FERMT2: variants seen among roughly 807,000 people sequenced by gnomAD.
FERMT2 encodes FERM domain containing kindlin 2, also known as fermitin family homolog 2.
Under a neutral mutation model 82.7 loss-of-function variants are expected in FERMT2, and 15 were observed. That is an observed-to-expected ratio of 0.18 (90% CI 0.12 to 0.28). The LOEUF is 0.28. Among genes scored for constraint, FERMT2 ranks in the 10% least tolerant of loss-of-function variants. The pLI is 1.00. For synonymous variants in FERMT2, 274 were observed against 271.5 expected (o/e 1.01, Z -0.09); for missense variants, 645 against 809.4 (o/e 0.80, Z 2.46).
intron 4 of FERMT2, among the ~76,000 whole-genome samples, chr14:52,892,138 A>C (rs1012921886): frequency 2.0e-5 from 3 of 150,194 alleles, no homozygotes; most frequent in African/African-American, 7.4e-5. Flanking sequence ...AAACCAGAAT[A>C]TGCAAAGCAG....
intron 10 of FERMT2, among the ~76,000 whole-genome samples, chr14:52,865,942 A>G (rs1364389997): frequency 6.6e-6 from 1 of 152,198 alleles, no homozygotes; most frequent in Non-Finnish European, 1.5e-5. Context: ...TATTTACTAC[A>G]TATGAATTTC....
rs111494285 is a variant in FERMT2, at chr14:52,867,471, AT to A, written c.1274-2619del. ...CTTCACTGCCATAGTCTTCCTATGC[AT>A]TTTTTTTTTGTTTCCTTTGCAAGGT... On this transcript the variant is annotated intron_variant, in intron 10 of 14. Coordinates refer to ENST00000341590, the MANE Select transcript of FERMT2 (RefSeq NM_006832.3). 4.9e-3 allele frequency among the ~76,000 whole-genome samples: 732 copies of A among 148,078 alleles called. 6 individuals carry two copies. The highest frequency in any genetic ancestry group is 0.016 in the African/African-American group (667 of 40,514).
chr14:52,864,428 G>A lies in FERMT2; in HGVS notation c.1575C>T (p.Arg525=). ...DITPECLVSP[R]YLKKYKNKQI... ...GCTTGTTCTTATACTTTTTTAGATA[G>A]CGGGGAGACACCAAACATTCAGGAG... Residue 525 remains arginine, a synonymous_variant, in exon 12 of 15, where the codon CGC becomes CGT. Coordinates refer to ENST00000341590, the MANE Select transcript of FERMT2 (RefSeq NM_006832.3). The A allele has an allele frequency of 1.2e-6, 2 of 1,613,400 alleles. No individual in the cohort carries two copies. The highest frequency in any genetic ancestry group is 1.7e-6 in the Non-Finnish European group (2 of 1,179,328).
At chr14:52,896,233 A>G (rs1887246174) in intron 3 of FERMT2, among the ~76,000 whole-genome samples, 1 of 152,222 alleles carries the variant, frequency 6.6e-6, no homozygotes, top group African/African-American at 2.4e-5. Flanking sequence ...AATGTCTGGC[A>G]GCACTATACT....
intron 10 of FERMT2, among the ~76,000 whole-genome samples, chr14:52,867,312 A>G (rs1189938324): frequency 6.6e-6 from 1 of 152,074 alleles, no homozygotes; most frequent in Non-Finnish European, 1.5e-5. Context: ...AAGTCTACTT[A>G]ACTTGTTCTT....
chr14:52,919,775 G>T (rs1488307280), intron 2 of FERMT2, among the ~76,000 whole-genome samples: 2 of 152,216 alleles, frequency 1.3e-5, no homozygotes, highest in African/African-American at 4.8e-5. Context: ...TTATGAAGTT[G>T]CAGAAATGTG....
At chr14:52,886,723 T>C (rs182658919) in intron 4 of FERMT2, among the ~76,000 whole-genome samples, 2 of 152,188 alleles carry the variant, frequency 1.3e-5, no homozygotes, top group African/African-American at 2.4e-5. Context: ...GCAAATTTTA[T>C]ACCCACTTGT....
At chr14:52,892,314 G>C (rs1256925475) in intron 4 of FERMT2, among the ~76,000 whole-genome samples, 14 of 151,560 alleles carry the variant, frequency 9.2e-5, no homozygotes, top group African/African-American at 2.4e-5. Context: ...GCTAATTTTT[G>C]TATTTTTAGT....
At chr14:52,869,506 AT>A (rs1453308947) in intron 10 of FERMT2, among the ~76,000 whole-genome samples, 1 of 152,186 alleles carries the variant, frequency 6.6e-6, no homozygotes, top group Admixed American at 6.5e-5. Flanking sequence ...CAATGCCCTC[AT>A]AAGACTATAA....
intron 3 of FERMT2, among the ~76,000 whole-genome samples, chr14:52,896,257 T>G (rs1378750010): frequency 6.6e-6 from 1 of 152,198 alleles, no homozygotes; most frequent in Non-Finnish European, 1.5e-5. Context: ...TGTCAGAGTA[T>G]GAAGAGAACA....
At chr14:52,912,738 G>A (rs949179289) in intron 3 of FERMT2, among the ~76,000 whole-genome samples, 5 of 151,964 alleles carry the variant, frequency 3.3e-5, no homozygotes, top group African/African-American at 1.2e-4. Context: ...TTGAACTCCT[G>A]GCCTCAAGTG....
chr14:52,881,442 T>C lies in FERMT2; in HGVS notation c.554A>G (p.Tyr185Cys), dbSNP rs1433923761. Residue 185 changes from tyrosine (Y) to cysteine (C), a missense_variant, in exon 5 of 15, where the codon TAT becomes TGT. Tyr to Cys is a radical substitution (Grantham distance 194). Transcript: ENST00000341590. ...ATAAGTGGGGGTCATTGTTTTACTA[T>C]ACAGTCCTGGGCTTGAATATATACT... ...SGSIYSSPGL[Y>C]SKTMTPTYDA... The C allele has an allele frequency of 1.1e-5, 17 of 1,613,756 alleles. No homozygotes were observed. The highest frequency in any genetic ancestry group is 1.4e-5 in the Non-Finnish European group (17 of 1,179,718).
intron 8 of FERMT2, 83 bp from the exon 9 acceptor site, chr14:52,874,309 C>T: frequency 1.3e-6 from 1 of 740,748 alleles, no homozygotes. Context: ...CAAGAACTAG[C>T]TTACTTAATA....
intron 4 of FERMT2, among the ~76,000 whole-genome samples, chr14:52,891,477 A>G (rs193052899): frequency 1.1e-3 from 166 of 152,276 alleles, no homozygotes; most frequent in Admixed American, 2.2e-3. Context: ...GAAAAGTTAG[A>G]AGGCTTGTGA....
At chr14:52,888,656 A>C (rs1283289563) in intron 4 of FERMT2, among the ~76,000 whole-genome samples, 1 of 152,134 alleles carries the variant, frequency 6.6e-6, no homozygotes, top group Non-Finnish European at 1.5e-5. Flanking sequence ...CTGGACTAGC[A>C]TACTCTCAAG....
intron 13 of FERMT2, 153 bp from the exon 14 acceptor site, chr14:52,859,867 G>C (rs775702115): frequency 1.2e-5 from 5 of 422,408 alleles, no homozygotes; most frequent in Non-Finnish European, 2.0e-5. Flanking sequence ...GCCCAGGCTG[G>C]AGTGCAGTGG....
At chr14:52,898,136 A>G (rs962911825) in intron 3 of FERMT2, among the ~76,000 whole-genome samples, 1 of 152,184 alleles carries the variant, frequency 6.6e-6, no homozygotes, top group African/African-American at 2.4e-5. Flanking sequence ...TCCTGAACGA[A>G]TATGTGACCA....
At chr14:52,891,812 A>C (rs1342583732) in intron 4 of FERMT2, among the ~76,000 whole-genome samples, 3 of 152,246 alleles carry the variant, frequency 2.0e-5, no homozygotes, top group Admixed American at 1.3e-4. Flanking sequence ...TGTTCAGTCC[A>C]GGTATATGCC....
At chr14:52,932,034 A>G (rs1419731604) in intron 2 of FERMT2, among the ~76,000 whole-genome samples, 1 of 152,254 alleles carries the variant, frequency 6.6e-6, no homozygotes, top group Non-Finnish European at 1.5e-5. Context: ...GTCTCAAAAA[A>G]GAAAAAGAAA....
Sources: gnomAD v4.1 joint callset for allele counts (sites outside exome capture counted in the v4.1 genomes callset) on GRCh38, gnomAD v4.1.1 for gene constraint, MANE v1.5 for transcripts, NCBI Gene and HGNC (gene_info 2026-07-23, HGNC 2026-07-21) for gene names.